The following TSC22D1 variants were observed in gnomAD, a reference collection of about 807,000 sequenced individuals.
TSC22D1 encodes the protein TSC22 domain family member 1.
Under a neutral mutation model 74.2 loss-of-function variants are expected in TSC22D1, and 9 were observed. The observed-to-expected ratio is 0.12, with a 90% CI of 0.07 to 0.21. The LOEUF (loss-of-function observed/expected upper bound fraction) is 0.21, where lower values mean the gene tolerates loss of function less well. TSC22D1 is among the 10% of genes least tolerant of loss of function. The probability of loss-of-function intolerance (pLI) is 1.00; values close to 1 mark genes in which losing one functional copy is unlikely to be tolerated. For missense variants in TSC22D1, 1,427 were observed against 1,304.7 expected, an observed-to-expected ratio of 1.09 and a Z score of -1.44; for synonymous variants, 586 against 492.5, an observed-to-expected ratio of 1.19 and a Z score of -2.51.
chr13:44,438,909 C>T (rs1874961524), intron 1 of TSC22D1, among the ~76,000 whole-genome samples: 1 of 151,724 alleles, frequency 6.6e-6, no homozygotes, highest in Non-Finnish European at 1.5e-5. Context: ...ATGCCAACTT[C>T]ATGAAAAAAG....
intron 1 of TSC22D1, among the ~76,000 whole-genome samples, chr13:44,454,621 A>C (rs1876418722): frequency 1.3e-5 from 2 of 152,228 alleles, no homozygotes; most frequent in South Asian, 4.1e-4. Context: ...CATACTAGAC[A>C]AAGGCAGAAG....
chr13:44,529,206 G>A (rs1880702896), intron 1 of TSC22D1, among the ~76,000 whole-genome samples: 1 of 151,870 alleles, frequency 6.6e-6, no homozygotes, highest in Admixed American at 6.6e-5. Flanking sequence ...ATCCAACAAT[G>A]TATAAAAAAA....
rs1426770208 is a variant in TSC22D1, at chr13:44,432,720, CA to C, written c.*1905del. 2 of 152,234 alleles carry C rather than the reference CA, an allele frequency of 1.3e-5. No individual in the cohort carries two copies. The highest frequency in any genetic ancestry group is 1.3e-4 in the Admixed American group (2 of 15,288). The allele number at this position is 152,234 out of a possible 1,614,324, so 9.4% of individuals were successfully genotyped here. ...GTCCTTGTTCTGCAAGGACTTAAGA[CA>C]AGCCTTAGAACTTGGGATTGGTCCA... On this transcript the variant is annotated 3_prime_UTR_variant, in exon 3 of 3. Coordinates refer to ENST00000458659, the MANE Select transcript of TSC22D1 (RefSeq NM_183422.4).
At chr13:44,468,052 C>T (rs1264369359) in intron 1 of TSC22D1, among the ~76,000 whole-genome samples, 3 of 151,730 alleles carry the variant, frequency 2.0e-5, no homozygotes, top group Non-Finnish European at 4.4e-5. Context: ...CATATAAGAA[C>T]AAAATAATAT....
At position 44,576,155 on chromosome 13, in the gene TSC22D1, G is replaced by C. The variant is rs976337888; in HGVS notation, c.-81C>G. On this transcript the variant is annotated 5_prime_UTR_variant, in exon 1 of 3. Transcript: ENST00000458659. The stretch of plus-strand genomic sequence containing the variant: ...ATCTTTGTATTGGAGACGCCGGAGA[G>C]GAAAACGGGACCTGACGCTCCGCCT... 2 of 1,386,918 alleles carry C rather than the reference G, an allele frequency of 1.4e-6. No individual in the cohort carries two copies. Among genetic ancestry groups the C allele is most frequent in the African/African-American group, 2.9e-5 (2 of 67,976 alleles). 85.9% of individuals were successfully genotyped at this position (1,386,918 alleles called of 1,614,324 possible).
At chr13:44,447,991 A>C (rs1477497269) in intron 1 of TSC22D1, among the ~76,000 whole-genome samples, 1 of 152,068 alleles carries the variant, frequency 6.6e-6, no homozygotes, top group Non-Finnish European at 1.5e-5. Flanking sequence ...TGAAAATAAT[A>C]AGCATTTCAA....
chr13:44,510,877 G>C (rs777363593), intron 1 of TSC22D1, among the ~76,000 whole-genome samples: 1 of 152,078 alleles, frequency 6.6e-6, no homozygotes. Context: ...TTACAGGCAC[G>C]AGCCATCATG....
intron 1 of TSC22D1, among the ~76,000 whole-genome samples, chr13:44,546,502 T>C (rs1019728363): frequency 1.1e-4 from 17 of 151,854 alleles, no homozygotes; most frequent in African/African-American, 3.9e-4. Context: ...GTCAAAGTCA[T>C]GAAAGGAAAG....
At chr13:44,513,041 C>T (rs1879813181) in intron 1 of TSC22D1, among the ~76,000 whole-genome samples, 1 of 152,212 alleles carries the variant, frequency 6.6e-6, no homozygotes, top group Non-Finnish European at 1.5e-5. Flanking sequence ...ACTTTCTCAC[C>T]TCCAGTCCTA....
At chr13:44,548,346 G>A (rs770600488) in intron 1 of TSC22D1, among the ~76,000 whole-genome samples, 6 of 152,144 alleles carry the variant, frequency 3.9e-5, no homozygotes, top group East Asian at 1.9e-4. Context: ...GCGAAACCCC[G>A]TCTCTACTAA....
At chr13:44,449,188 CA>C (rs936580959) in intron 1 of TSC22D1, among the ~76,000 whole-genome samples, 3 of 152,120 alleles carry the variant, frequency 2.0e-5, no homozygotes, top group Non-Finnish European at 2.9e-5. Flanking sequence ...GGCAGGCTGA[CA>C]GGGGCACTCA....
In TSC22D1 at chr13:44,441,404, G is replaced by A. The variant is rs535402571; in HGVS notation, c.2913-5309C>T. Among the ~76,000 whole-genome samples, 20 of 152,254 alleles carry A rather than the reference G, an allele frequency of 1.3e-4. No homozygotes were observed. In the South Asian group the frequency reaches 4.1e-3, roughly 32 times the overall value. ...GAAAACAGAGCAAGGAAGAAAACAC[G>A]GAATGCTCATAAAATATACATGACC... On this transcript the variant is annotated intron_variant, in intron 1 of 2. Coordinates refer to ENST00000458659, the MANE Select transcript of TSC22D1 (RefSeq NM_183422.4).
chr13:44,573,239 GGCT>G lies in TSC22D1; in HGVS notation c.2833_2835del (p.Ser945del), dbSNP rs1566184028. 2 of 1,614,106 alleles carry G rather than the reference GGCT, an allele frequency of 1.2e-6. No homozygotes were observed. The highest frequency in any genetic ancestry group is 1.7e-6 in the Non-Finnish European group (2 of 1,180,050). On this transcript the variant is annotated inframe_deletion, in exon 1 of 3. Coordinates refer to ENST00000458659, the MANE Select transcript of TSC22D1 (RefSeq NM_183422.4). Reference sequence around the variant, plus strand: ...GGGAAAAGAGAAGCAGAGGCTGCTAGGCTGCTGCTACTCCCATCTGAAACTGCT... The same window carrying G: ...GGGAAAAGAGAAGCAGAGGCTGCTAGGCTGCTACTCCCATCTGAAACTGCT...
chr13:44,468,002 G>A (rs1953060), intron 1 of TSC22D1, among the ~76,000 whole-genome samples: 131,293 of 149,586 alleles, frequency 0.88, 57,097 homozygotes, highest in East Asian at 0.94. Context: ...ACACACACGC[G>A]CACACACACA....
intron 1 of TSC22D1, among the ~76,000 whole-genome samples, chr13:44,449,952 A>G (rs2138905016): frequency 6.6e-6 from 1 of 152,298 alleles, no homozygotes; most frequent in East Asian, 1.9e-4. Flanking sequence ...AGTTATCAAG[A>G]TGAGTAAGAC....
At position 44,434,197 on chromosome 13, in the gene TSC22D1, G is replaced by C. The variant is rs1053948; in HGVS notation, c.*429C>G. ...TTACCCTCCTTTCAAGTTCCTCCTG[G>C]GGGGAGGAGAGGAGAGAGGCGAGTC... On this transcript the variant is annotated 3_prime_UTR_variant, in exon 3 of 3. Coordinates refer to ENST00000458659, the MANE Select transcript of TSC22D1 (RefSeq NM_183422.4). The C allele has an allele frequency of 0.1, 150,982 of 1,457,260 alleles. 8,284 individuals are homozygous for C. Among genetic ancestry groups the C allele is most frequent in the African/African-American group, 0.19 (13,181 of 68,710 alleles). The allele number at this position is 1,457,260 out of a possible 1,614,324, so 90.3% of individuals were successfully genotyped here. A position where few individuals can be genotyped will look rare whatever the true frequency, so the allele number is the denominator to read the frequency against.
intron 1 of TSC22D1, among the ~76,000 whole-genome samples, chr13:44,511,976 TTTCTCA>T (rs1053493519): frequency 1.3e-5 from 2 of 152,128 alleles, no homozygotes; most frequent in Admixed American, 1.3e-4. Flanking sequence ...ACCTTCTGCT[TTTCTCA>T]TTCTCATTCT....
At chr13:44,501,008 T>A (rs753147902) in intron 1 of TSC22D1, among the ~76,000 whole-genome samples, 1 of 152,170 alleles carries the variant, frequency 6.6e-6, no homozygotes, top group Non-Finnish European at 1.5e-5. Context: ...TTAATGGCAT[T>A]GATTCTGCTG....
intron 1 of TSC22D1, among the ~76,000 whole-genome samples, chr13:44,526,179 C>A (rs1880538504): frequency 6.6e-6 from 1 of 152,084 alleles, no homozygotes; most frequent in African/African-American, 2.4e-5. Context: ...GTCTGAGGAT[C>A]CAAAGCAAGT....
Sources: gnomAD v4.1 joint callset for allele counts (sites outside exome capture counted in the v4.1 genomes callset) on GRCh38, gnomAD v4.1.1 for gene constraint, MANE v1.5 for transcripts, NCBI Gene and HGNC (gene_info 2026-07-23, HGNC 2026-07-21) for gene names.